Variants in SRRM1 observed in about 807,000 individuals in gnomAD.
The protein encoded by SRRM1 is serine and arginine repetitive matrix 1.
A neutral mutation model predicts 110.2 loss-of-function variants in SRRM1; 19 were observed. The ratio of observed to expected loss-of-function variants is 0.17; its 90% CI spans 0.12 to 0.25. The LOEUF (loss-of-function observed/expected upper bound fraction) is 0.25, where lower values mean the gene tolerates loss of function less well. Among genes scored for constraint, SRRM1 ranks in the 10% least tolerant of loss-of-function variants. The probability of loss-of-function intolerance (pLI) is 1.00; values close to 1 mark genes in which losing one functional copy is unlikely to be tolerated. For missense variants in SRRM1, 918 were observed against 1,145.8 expected, an observed-to-expected ratio of 0.80 and a Z score of 2.87; for synonymous variants, 443 against 414.9, an observed-to-expected ratio of 1.07 and a Z score of -0.82.
intron 10 of SRRM1, 48 bp from the exon 11 acceptor site, chr1:24,661,262 C>T: frequency 6.2e-6 from 9 of 1,459,420 alleles, no homozygotes; most frequent in Non-Finnish European, 7.6e-6. Flanking sequence ...TGCAAATTTT[C>T]TATATGCTTA....
At chr1:24,663,623 G>A (rs1057449488) in intron 12 of SRRM1, among the ~76,000 whole-genome samples, 6 of 151,912 alleles carry the variant, frequency 3.9e-5, no homozygotes, top group South Asian at 2.1e-4. Context: ...GGAAAAACTA[G>A]GGAGAAACTT....
At chr1:24,666,316 T>C (rs1179740658) in intron 12 of SRRM1, among the ~76,000 whole-genome samples, 1 of 152,234 alleles carries the variant, frequency 6.6e-6, no homozygotes, top group East Asian at 1.9e-4. Flanking sequence ...TTAAGTTTTT[T>C]AATGCTGCCA....
rs202171360 is a variant in SRRM1, at chr1:24,666,936, A to G, written c.1739+11A>G. On this transcript the variant is annotated intron_variant, in intron 13 of 16. Coordinates refer to ENST00000323848, the MANE Select transcript of SRRM1 (RefSeq NM_005839.4). ...ACCACCACGACGAAGGTACTTTGTC[A>G]AATATGCTAACTGGAGCATCTCCCC... 5.7e-5 allele frequency: 90 copies of G among 1,588,316 alleles called. No homozygotes were observed. The African/African-American group carries it at 1.2e-3, about 21-fold the overall frequency.
At position 24,669,074 on chromosome 1, in the gene SRRM1, T is replaced by G. The variant is rs750320360; in HGVS notation, c.1740-49T>G. On this transcript the variant is annotated intron_variant, in intron 13 of 16. Coordinates refer to ENST00000323848, the MANE Select transcript of SRRM1 (RefSeq NM_005839.4). ...ACCTACTGATTACTTTTCATCCTGT[T>G]TCTGTATTTTGTTGAGCCTTTCAGC... 13 of 1,507,614 alleles carry G rather than the reference T, an allele frequency of 8.6e-6. No individual in the cohort carries two copies. In the African/African-American group the frequency reaches 1.4e-4, roughly 16 times the overall value. The allele number at this position is 1,507,614 out of a possible 1,614,324, so 93.4% of individuals were successfully genotyped here.
chr1:24,660,103 A>G (rs1450742463), intron 9 of SRRM1, among the ~76,000 whole-genome samples: 1 of 152,222 alleles, frequency 6.6e-6, no homozygotes, highest in Non-Finnish European at 1.5e-5. Context: ...TTAATCATTT[A>G]TCATCTTTTA....
At chr1:24,663,291 T>C in intron 12 of SRRM1, 1 of 1,226,762 alleles carries the variant, frequency 8.2e-7, no homozygotes. Flanking sequence ...AATTTCCTAT[T>C]TAGGTGACCT....
intron 1 of SRRM1, 55 bp from the exon 2 acceptor site, chr1:24,645,929 A>T (rs374176521): frequency 2.0e-6 from 3 of 1,483,782 alleles, no homozygotes; most frequent in African/African-American, 2.8e-5. Flanking sequence ...GTAGGTGATA[A>T]AAAGTAAGGA....
In SRRM1 at chr1:24,661,333, G is replaced by A; in HGVS notation, c.1420G>A (p.Ala474Thr). The change falls in exon 11 of 17, where the codon GCT becomes ACT. Residue 474 changes from alanine to threonine, a missense_variant. Around this residue, in one of 5 missense-constraint regions of SRRM1, gnomAD observed 456 missense variants for 453.5 expected, o/e 1.01. Transcript: ENST00000323848. Reference sequence around the variant, plus strand: ...AGAAGAAGATAAAGGTGGCAAAATGGCTGCAGCAGATTCTGTGCAGCAGAG... The same window carrying A: ...AGAAGAAGATAAAGGTGGCAAAATGACTGCAGCAGATTCTGTGCAGCAGAG... ...ESEEDKGGKM[A>T]AADSVQQRRQ... 1 of 1,612,986 alleles carries A rather than the reference G, an allele frequency of 6.2e-7. No individual in the cohort carries two copies. The highest frequency in any genetic ancestry group is 2.2e-5 in the East Asian group (1 of 44,864).
At chr1:24,672,090 G>A (rs1231618045) in intron 16 of SRRM1, 92 bp from the exon 17 acceptor site, 1 of 961,934 alleles carries the variant, frequency 1.0e-6, no homozygotes, top group African/African-American at 1.6e-5. Context: ...CCCGGTGTGT[G>A]ATGTTCCCCT....
intron 1 of SRRM1, among the ~76,000 whole-genome samples, chr1:24,645,517 A>G (rs1656935446): frequency 6.6e-6 from 1 of 152,224 alleles, no homozygotes; most frequent in African/African-American, 2.4e-5. Context: ...GTTGTAGAAG[A>G]CTAACAGCAC....
At chr1:24,652,029 AATATAT>A (rs1215778545) in intron 6 of SRRM1, among the ~76,000 whole-genome samples, 999 of 79,856 alleles carry the variant, frequency 0.013, 54 homozygotes, top group Middle Eastern at 0.036. Flanking sequence ...CTGTACTAAA[AATATAT>A]ATATATATAT....
At chr1:24,648,654 G>A (rs1658830699) in intron 3 of SRRM1, 2 of 477,904 alleles carry the variant, frequency 4.2e-6, no homozygotes, top group Admixed American at 3.7e-5. Flanking sequence ...GGTAGAGTGA[G>A]AGAGAATTTG....
intron 9 of SRRM1, among the ~76,000 whole-genome samples, chr1:24,660,050 C>T (rs1051466622): frequency 1.3e-5 from 2 of 152,174 alleles, no homozygotes; most frequent in African/African-American, 2.4e-5. Flanking sequence ...TTCTTCTTTT[C>T]TAGACCAAAT....
rs543972784 is a variant in SRRM1 at position 24,661,697 on chromosome 1, G to A, written c.1483+301G>A. On this transcript the variant is annotated intron_variant, in intron 11 of 16. Transcript: ENST00000323848. ...AAGCTTTTATTCAGAAATTTTCTGTGCATATAGAAAAAGGAAAAGAAAAAA... is the reference window on the plus strand; with the variant it reads ...AAGCTTTTATTCAGAAATTTTCTGTACATATAGAAAAAGGAAAAGAAAAAA... 2.0e-5 allele frequency among the ~76,000 whole-genome samples: 3 copies of A among 152,196 alleles called. No homozygotes were observed. In the South Asian group the frequency reaches 6.2e-4, roughly 32 times the overall value.
intron 11 of SRRM1, among the ~76,000 whole-genome samples, chr1:24,662,308 C>G (rs1174839641): frequency 3.3e-5 from 5 of 152,116 alleles, no homozygotes; most frequent in South Asian, 2.1e-4. Flanking sequence ...ATTAGTTAGG[C>G]ATGATGGTGC....
chr1:24,672,145 T>TCTCAAGA, intron 16 of SRRM1, 37 bp from the exon 17 acceptor site: 2 of 1,495,140 alleles, frequency 1.3e-6, no homozygotes, highest in Non-Finnish European at 1.8e-6. Context: ...CCCACCAGGG[T>TCTCAAGA]CTCAAGACTT....
At chr1:24,649,570 T>C (rs1182528307) in intron 4 of SRRM1, among the ~76,000 whole-genome samples, 1 of 152,234 alleles carries the variant, frequency 6.6e-6, no homozygotes, top group East Asian at 1.9e-4. Flanking sequence ...CTGCCCGCCC[T>C]TGGCGGGATT....
At chr1:24,671,186 C>T (rs1672549809) in intron 15 of SRRM1, among the ~76,000 whole-genome samples, 200 bp from the exon 16 acceptor site, 1 of 152,200 alleles carries the variant, frequency 6.6e-6, no homozygotes, top group African/African-American at 2.4e-5. Flanking sequence ...GAATTGAGCT[C>T]ATCCTGGAGA....
chr1:24,659,073 A>G (rs1013805195), intron 9 of SRRM1, among the ~76,000 whole-genome samples: 10 of 152,130 alleles, frequency 6.6e-5, no homozygotes, highest in African/African-American at 1.9e-4. Context: ...GCATGCCTGT[A>G]ATCCCAGCTA....
Sources: allele counts gnomAD v4.1 joint callset (sites outside exome capture counted in the v4.1 genomes callset), GRCh38; gene constraint gnomAD v4.1.1; regional missense constraint gnomAD v4.1.1; transcripts MANE v1.5; gene names NCBI Gene and HGNC (gene_info 2026-07-23, HGNC 2026-07-21).